Variants in WDR70 observed in about 807,000 individuals in gnomAD.
The protein encoded by WDR70 is WD repeat domain 70.
Under a neutral mutation model 88.6 loss-of-function variants are expected in WDR70, and 53 were observed. That is an observed-to-expected ratio of 0.60 (90% CI 0.48 to 0.75). WDR70 has a LOEUF of 0.75. Ranked by LOEUF, WDR70 falls within the 30% of genes least tolerant of loss-of-function variation. WDR70 has a pLI of 0.00. For missense variants in WDR70, 610 were observed against 823.2 expected (o/e 0.74, Z 3.17); for synonymous variants, 280 against 270.0 (o/e 1.04, Z -0.36).
At chr5:37,586,705 C>G (rs930029087) in intron 9 of WDR70, among the ~76,000 whole-genome samples, 1 of 152,176 alleles carries the variant, frequency 6.6e-6, no homozygotes, top group South Asian at 2.1e-4. Flanking sequence ...TAACACTTCC[C>G]TCTCCTCGTA....
At chr5:37,605,508 G>C (rs937110339) in intron 10 of WDR70, among the ~76,000 whole-genome samples, 1 of 146,186 alleles carries the variant, frequency 6.8e-6, no homozygotes, top group African/African-American at 2.8e-5. Flanking sequence ...AAACCATAGT[G>C]CAGCTTATTA....
intron 5 of WDR70, among the ~76,000 whole-genome samples, chr5:37,398,646 G>A (rs1749101887): frequency 1.3e-5 from 2 of 152,062 alleles, no homozygotes; most frequent in African/African-American, 2.4e-5. Context: ...TGAAATAACA[G>A]ATCTATAGTA....
chr5:37,412,657 C>A (rs1161955252), intron 5 of WDR70, among the ~76,000 whole-genome samples: 1 of 152,112 alleles, frequency 6.6e-6, no homozygotes, highest in Non-Finnish European at 1.5e-5. Flanking sequence ...TGTCTGACTC[C>A]CTGGCTAGCA....
At chr5:37,653,239 T>C (rs954546193) in intron 10 of WDR70, among the ~76,000 whole-genome samples, 15 of 152,300 alleles carry the variant, frequency 9.8e-5, no homozygotes, top group African/African-American at 3.4e-4. Context: ...TGATGGATTA[T>C]TTTTATTGAT....
chr5:37,584,560 T>C (rs1743312431), intron 9 of WDR70, among the ~76,000 whole-genome samples: 1 of 152,230 alleles, frequency 6.6e-6, no homozygotes, highest in Non-Finnish European at 1.5e-5. Context: ...ATATAAAATT[T>C]TATCTTTCAA....
chr5:37,666,764 G>A (rs1278103335), intron 10 of WDR70, among the ~76,000 whole-genome samples: 6 of 152,166 alleles, frequency 3.9e-5, no homozygotes, highest in African/African-American at 2.4e-5. Flanking sequence ...TATAGTGGTC[G>A]TTAAGTGTGC....
At chr5:37,563,472 A>G (rs1294473460) in intron 9 of WDR70, among the ~76,000 whole-genome samples, 2 of 44,368 alleles carry the variant, frequency 4.5e-5, no homozygotes, top group South Asian at 1.1e-3. Context: ...CTGGCCGGGC[A>G]GAGGGGCTCC....
At chr5:37,411,455 G>A (rs1749521788) in intron 5 of WDR70, among the ~76,000 whole-genome samples, 2 of 151,918 alleles carry the variant, frequency 1.3e-5, no homozygotes, top group African/African-American at 4.8e-5. Context: ...GCCAGATGCA[G>A]TGGCTCACAC....
At chr5:37,605,582 AAGC>A (rs1227943640) in intron 10 of WDR70, among the ~76,000 whole-genome samples, 1 of 152,232 alleles carries the variant, frequency 6.6e-6, no homozygotes, top group Non-Finnish European at 1.5e-5. Flanking sequence ...AAACAACACT[AAGC>A]AGAGAACTAG....
chr5:37,422,324 CTGTCGCCCAGGCCGGAGTAG>C (rs1749969817), intron 5 of WDR70, among the ~76,000 whole-genome samples: 2 of 143,362 alleles, frequency 1.4e-5, no homozygotes, highest in African/African-American at 2.6e-5. Flanking sequence ...GAGTCTCACT[CTGTCGCCCAGGCCGGAGTAG>C]TGCAGTGGTG....
intron 10 of WDR70, among the ~76,000 whole-genome samples, chr5:37,616,423 T>C (rs890351410): frequency 1.3e-5 from 2 of 152,278 alleles, no homozygotes; most frequent in Middle Eastern, 3.4e-3. Flanking sequence ...CAAAAAACTT[T>C]TTAGTCAGAC....
chr5:37,651,277 G>A (rs1156971016), intron 10 of WDR70, among the ~76,000 whole-genome samples: 2 of 152,140 alleles, frequency 1.3e-5, no homozygotes, highest in Admixed American at 6.5e-5. Flanking sequence ...CCATGTCCCC[G>A]CAAAGGACAT....
chr5:37,555,194 T>A (rs1479077063), intron 9 of WDR70, among the ~76,000 whole-genome samples: 1 of 152,182 alleles, frequency 6.6e-6, no homozygotes, highest in Non-Finnish European at 1.5e-5. Flanking sequence ...CCCAACCAGT[T>A]CACAGCATAA....
chr5:37,394,407 A>G (rs1038603936), intron 4 of WDR70, among the ~76,000 whole-genome samples: 2 of 152,126 alleles, frequency 1.3e-5, no homozygotes, highest in Non-Finnish European at 1.5e-5. Context: ...TCATTCAACT[A>G]TTACTTACTG....
intron 9 of WDR70, among the ~76,000 whole-genome samples, chr5:37,545,145 C>A (rs1183273453): frequency 3.3e-5 from 5 of 152,056 alleles, no homozygotes; most frequent in Non-Finnish European, 1.5e-5. Flanking sequence ...GAGTTATTGA[C>A]CGCTATTTTT....
At chr5:37,585,390 T>G (rs1165528095) in intron 9 of WDR70, among the ~76,000 whole-genome samples, 3 of 152,166 alleles carry the variant, frequency 2.0e-5, no homozygotes, top group African/African-American at 7.2e-5. Flanking sequence ...TTGTTTTATG[T>G]CCCCAGATGG....
chr5:37,450,954 A>C (rs1738660265), intron 7 of WDR70, among the ~76,000 whole-genome samples: 1 of 151,992 alleles, frequency 6.6e-6, no homozygotes, highest in Non-Finnish European at 1.5e-5. Flanking sequence ...GCTGGAGTGC[A>C]ATGGCGTGAT....
intron 7 of WDR70, among the ~76,000 whole-genome samples, chr5:37,462,540 G>T (rs1739038466): frequency 1.3e-5 from 2 of 152,142 alleles, no homozygotes; most frequent in African/African-American, 4.8e-5. Context: ...CTGACCTTGT[G>T]ATCCGCCCGC....
intron 9 of WDR70, among the ~76,000 whole-genome samples, chr5:37,554,679 C>CACACACACAT (rs1742247401): frequency 1.5e-4 from 2 of 13,618 alleles, no homozygotes; most frequent in African/African-American, 7.7e-4. Flanking sequence ...CACCTGCACG[C>CACACACACAT]ACACACACAC....
Sources: gnomAD v4.1 joint callset for allele counts (sites outside exome capture counted in the v4.1 genomes callset) on GRCh38, gnomAD v4.1.1 for gene constraint, MANE v1.5 for transcripts, NCBI Gene and HGNC (gene_info 2026-07-23, HGNC 2026-07-21) for gene names.